The following ASPH variants were observed in gnomAD, a reference collection of about 807,000 sequenced individuals.
ASPH encodes aspartate beta-hydroxylase.
ASPH carries 100 observed loss-of-function variants against 118.4 expected under a neutral mutation model. That is an observed-to-expected ratio of 0.84 (90% CI 0.72 to 1.00). The LOEUF (loss-of-function observed/expected upper bound fraction) is 1.00. ASPH is among the 50% of genes least tolerant of loss of function. ASPH has a pLI of 0.00. For synonymous variants in ASPH, 315 were observed against 325.6 expected (o/e 0.97, Z 0.35); for missense variants, 920 against 919.5 (o/e 1.00, Z -0.01).
rs569703178 is a variant in ASPH, at chr8:61,604,961, T to C, written c.976+14017A>G. ...AATAAATCCCTTAAGCATTTAGCTT[T>C]TTTTGTTAGCTGTTTTCAAACTCAG... On this transcript the variant is annotated intron_variant, in intron 14 of 24. Coordinates refer to ENST00000379454, the MANE Select transcript of ASPH (RefSeq NM_004318.4). Among the ~76,000 whole-genome samples, 30 of 152,322 alleles carry C rather than the reference T, an allele frequency of 2.0e-4. No homozygotes were observed. The South Asian group carries it at 5.2e-3, about 26-fold the overall frequency.
chr8:61,673,256 A>G (rs919250483), intron 3 of ASPH, among the ~76,000 whole-genome samples: 4 of 152,172 alleles, frequency 2.6e-5, no homozygotes, highest in Non-Finnish European at 5.9e-5. Flanking sequence ...GCTGACAGCC[A>G]GGCCTCAGGA....
chr8:61,664,183 A>G, intron 3 of ASPH: 1 of 968,992 alleles, frequency 1.0e-6, no homozygotes, highest in Non-Finnish European at 1.2e-6. Flanking sequence ...ATTTCTCACT[A>G]AAACTTCACT....
At chr8:61,665,011 T>C in intron 3 of ASPH, 1 of 1,241,636 alleles carries the variant, frequency 8.1e-7, no homozygotes, top group Non-Finnish European at 1.0e-6. Context: ...TCTGAATACA[T>C]GATCAATAAA....
At chr8:61,583,017 T>C (rs1182803170) in intron 15 of ASPH, 13 of 152,198 alleles carry the variant, frequency 8.5e-5, no homozygotes, top group Admixed American at 6.5e-5. Flanking sequence ...CAATTTATTG[T>C]TCTCAAAATT....
intron 9 of ASPH, 92 bp from the exon 10 acceptor site, chr8:61,643,012 A>G (rs2150972972): frequency 8.9e-7 from 1 of 1,127,358 alleles, no homozygotes; most frequent in East Asian, 2.6e-5. Flanking sequence ...CTTAATCGTA[A>G]ACACAGAACT....
chr8:61,635,832 T>C (rs1450583823), intron 12 of ASPH, among the ~76,000 whole-genome samples: 1 of 152,188 alleles, frequency 6.6e-6, no homozygotes, highest in Non-Finnish European at 1.5e-5. Context: ...TTCCTTGGAT[T>C]AGTACACAAT....
chr8:61,676,324 A>G (rs766325904), intron 3 of ASPH: 6 of 1,575,914 alleles, frequency 3.8e-6, no homozygotes, highest in Middle Eastern at 1.7e-4. Flanking sequence ...TCAGGCCTAC[A>G]TAAGAATAAA....
chr8:61,603,111 T>C (rs1844543967), intron 14 of ASPH, among the ~76,000 whole-genome samples: 1 of 146,266 alleles, frequency 6.8e-6, no homozygotes. Flanking sequence ...GAGAATCGCT[T>C]GAGCCTGGGA....
chr8:61,655,632 T>C (rs1449855587), intron 3 of ASPH, among the ~76,000 whole-genome samples: 1 of 152,206 alleles, frequency 6.6e-6, no homozygotes, highest in Non-Finnish European at 1.5e-5. Context: ...ATACTACTAG[T>C]ATACCAACAT....
At chr8:61,670,860 G>A (rs1822131274) in intron 3 of ASPH, among the ~76,000 whole-genome samples, 1 of 151,754 alleles carries the variant, frequency 6.6e-6, no homozygotes, top group South Asian at 2.1e-4. Context: ...ATGGAATGAA[G>A]CCACACTAGA....
chr8:61,578,866 G>A, intron 15 of ASPH: 1 of 1,612,848 alleles, frequency 6.2e-7, no homozygotes, highest in Non-Finnish European at 8.5e-7. Context: ...CGCCTGGAAG[G>A]GCTGACTGAC....
At chr8:61,537,814 C>T (rs1289042700) in intron 21 of ASPH, among the ~76,000 whole-genome samples, 1 of 152,054 alleles carries the variant, frequency 6.6e-6, no homozygotes. Flanking sequence ...AGAGAGAAAG[C>T]CAATTTGTAG....
At chr8:61,667,823 T>C (rs1820458797) in intron 3 of ASPH, among the ~76,000 whole-genome samples, 1 of 152,154 alleles carries the variant, frequency 6.6e-6, no homozygotes, top group Admixed American at 6.5e-5. Context: ...ATGAGAGCTT[T>C]TGGAGAAATA....
chr8:61,532,985 T>A (rs1818140181), intron 21 of ASPH, among the ~76,000 whole-genome samples: 1 of 152,234 alleles, frequency 6.6e-6, no homozygotes, highest in African/African-American at 2.4e-5. Context: ...TCTTGAAATT[T>A]CATGGCAATA....
intron 14 of ASPH, among the ~76,000 whole-genome samples, chr8:61,598,039 A>G (rs1443136762): frequency 6.6e-6 from 1 of 152,240 alleles, no homozygotes; most frequent in Non-Finnish European, 1.5e-5. Flanking sequence ...CATGATAAAC[A>G]ACAGACGATA....
At chr8:61,521,835 A>G (rs16927449) in intron 22 of ASPH, among the ~76,000 whole-genome samples, 57,040 of 152,116 alleles carry the variant, frequency 0.37, 12,487 homozygotes, top group African/African-American at 0.6. Flanking sequence ...TATTCATGGA[A>G]CTGATATCCT....
At chr8:61,697,218 A>C (rs1275638998) in intron 1 of ASPH, among the ~76,000 whole-genome samples, 2 of 152,234 alleles carry the variant, frequency 1.3e-5, no homozygotes, top group African/African-American at 4.8e-5. Context: ...AAAACAGTTG[A>C]TACAATTATG....
At chr8:61,666,257 G>A (rs972037796) in intron 3 of ASPH, among the ~76,000 whole-genome samples, 3 of 152,100 alleles carry the variant, frequency 2.0e-5, no homozygotes, top group Non-Finnish European at 4.4e-5. Context: ...TTCATGTAGA[G>A]CAACTCAAGC....
intron 3 of ASPH, chr8:61,656,157 G>T (rs575668271): frequency 2.0e-5 from 3 of 152,144 alleles, no homozygotes; most frequent in Non-Finnish European, 4.4e-5. Flanking sequence ...TTTATTATGA[G>T]GTACAAGTGG....
Sources: allele counts gnomAD v4.1 joint callset (sites outside exome capture counted in the v4.1 genomes callset), GRCh38; gene constraint gnomAD v4.1.1; transcripts MANE v1.5; gene names NCBI Gene and HGNC (gene_info 2026-07-23, HGNC 2026-07-21).